Variants in GDF6 observed in about 807,000 individuals in gnomAD.
GDF6 encodes growth/differentiation factor 6.
GDF6 carries 3 observed loss-of-function variants against 32.4 expected under a neutral mutation model. The ratio of observed to expected loss-of-function variants is 0.09; its 90% CI spans 0.04 to 0.24. The LOEUF is 0.24. GDF6 is among the 10% of genes least tolerant of loss of function. GDF6 has a pLI of 1.00. For missense variants in GDF6, 589 were observed against 637.9 expected (o/e 0.92, Z 0.83); for synonymous variants, 296 against 295.3 (o/e 1.00, Z -0.03).
Position 96,144,431 on chromosome 8 carries a change from TCC to T in GDF6, c.*130_*131del. The T allele has an allele frequency of 9.2e-7, 1 of 1,092,696 alleles. No individual in the cohort carries two copies. The highest frequency in any genetic ancestry group is 1.3e-6 in the Non-Finnish European group (1 of 763,150). The allele number at this position is 1,092,696 out of a possible 1,614,324, so 67.7% of individuals were successfully genotyped here. On this transcript the variant is annotated 3_prime_UTR_variant, in exon 2 of 2. Coordinates refer to ENST00000287020, the MANE Select transcript of GDF6 (RefSeq NM_001001557.4). This position sits in a 1 kb window ranked among gnomAD's most constrained non-coding sequence, Gnocchi z 5.1. Reference sequence around the variant, plus strand: ...CCCTTCTCTCCCACCGGCTCTCACATCCAGGCTGTTCCCTCACCCTCAGCCTC... The same window carrying T: ...CCCTTCTCTCCCACCGGCTCTCACATAGGCTGTTCCCTCACCCTCAGCCTC...
At chr8:96,159,601 GC>G (rs1812724901) in intron 1 of GDF6, among the ~76,000 whole-genome samples, 1 of 152,230 alleles carries the variant, frequency 6.6e-6, no homozygotes, top group Non-Finnish European at 1.5e-5. Flanking sequence ...CCCTGTCCCG[GC>G]CCGCCCAACT....
Position 96,150,893 on chromosome 8 carries a change from A to G in GDF6, c.407-5369T>C, listed in dbSNP as rs140176583. On this transcript the variant is annotated intron_variant, in intron 1 of 1. Transcript: ENST00000287020. Reference sequence around the variant, plus strand: ...AAGACCTCCAAGCTCAAAATTCATGACTGGGCTTGGAGTCATTTTCTCAAC... The same window carrying G: ...AAGACCTCCAAGCTCAAAATTCATGGCTGGGCTTGGAGTCATTTTCTCAAC... 8.1e-4 allele frequency among the ~76,000 whole-genome samples: 124 copies of G among 152,320 alleles called. 2 individuals are homozygous for G. The East Asian group carries it at 0.02, about 24-fold the overall frequency.
At chr8:96,154,928 G>A (rs969524094) in intron 1 of GDF6, among the ~76,000 whole-genome samples, 2 of 152,150 alleles carry the variant, frequency 1.3e-5, no homozygotes, top group Admixed American at 1.3e-4. Context: ...TAGGGCCTCC[G>A]ATGCAGTGCC....
rs1257158959 is a variant in GDF6, at chr8:96,145,804, G to C, written c.407-280C>G. Among the ~76,000 whole-genome samples the C allele has an allele frequency of 6.6e-6, 1 of 152,156 alleles. No homozygotes were observed. The highest frequency in any genetic ancestry group is 1.9e-4 in the East Asian group (1 of 5,160). The stretch of plus-strand genomic sequence containing the variant: ...CGAGGCGGCGGCGGCGGCCTACCGG[G>C]TTTTCCCCCCAAAAGGCTTCGTAAC... On this transcript the variant is annotated intron_variant, in intron 1 of 1. Transcript: ENST00000287020. This position sits in a 1 kb window ranked among gnomAD's most constrained non-coding sequence, Gnocchi z 5.6.
chr8:96,145,035 G>C lies in GDF6; in HGVS notation c.896C>G (p.Ser299Trp). 6.9e-7 allele frequency: 1 copy of C among 1,455,428 alleles called. No individual in the cohort carries two copies. Among genetic ancestry groups the C allele is most frequent in the Non-Finnish European group, 9.0e-7 (1 of 1,107,888 alleles). The allele number at this position is 1,455,428 out of a possible 1,614,324, so 90.2% of individuals were successfully genotyped here. Residue 299 changes from serine to tryptophan, a missense_variant, in exon 2 of 2, where the codon TCG becomes TGG. Coordinates refer to ENST00000287020, the MANE Select transcript of GDF6 (RefSeq NM_001001557.4). This position sits in a 1 kb window ranked among gnomAD's most constrained non-coding sequence, Gnocchi z 5.6. Reference sequence around the variant, plus strand: ...CGCGCCCGGGCCCGCAGCCTCGGCCGAGCCCAGCTGCTCGCGCATCTCTGC... The same window carrying C: ...CGCGCCCGGGCCCGCAGCCTCGGCCCAGCCCAGCTGCTCGCGCATCTCTGC... The part of the protein sequence containing the change: ...LFAEMREQLG[S>W]AEAAGPGAGA...
chr8:96,155,054 G>A (rs1812636325), intron 1 of GDF6, among the ~76,000 whole-genome samples: 1 of 152,212 alleles, frequency 6.6e-6, no homozygotes, highest in African/African-American at 2.4e-5. Flanking sequence ...CGCCAGGCCT[G>A]TCGTGATCTG....
At chr8:96,157,705 C>A (rs1239519759) in intron 1 of GDF6, among the ~76,000 whole-genome samples, 1 of 152,166 alleles carries the variant, frequency 6.6e-6, no homozygotes, top group Non-Finnish European at 1.5e-5. Flanking sequence ...AAGTCCTTGC[C>A]AGGAGCCGGG....
At chr8:96,147,937 A>G (rs1395152530) in intron 1 of GDF6, among the ~76,000 whole-genome samples, 1 of 152,226 alleles carries the variant, frequency 6.6e-6, no homozygotes, top group Non-Finnish European at 1.5e-5. Flanking sequence ...GGTGTAAAGA[A>G]TTATGATTTA....
Position 96,160,507 on chromosome 8 carries a change from C to T in GDF6, c.186G>A (p.Arg62=), listed in dbSNP as rs781205930. ...GCCGCGGCTGTGGTTCCTGGCCCTCCCGGCCCGCGTCACTGTCGCGCGGCG... is the reference window on the plus strand; with the variant it reads ...GCCGCGGCTGTGGTTCCTGGCCCTCTCGGCCCGCGTCACTGTCGCGCGGCG... ...QRAPRDSDAG[R]EGQEPQPRPQ... is the part of the protein sequence containing the mutation. Residue 62 remains arginine, a synonymous_variant, in exon 1 of 2, where the codon CGG becomes CGA. Coordinates refer to ENST00000287020, the MANE Select transcript of GDF6 (RefSeq NM_001001557.4). The T allele has an allele frequency of 6.2e-7, 1 of 1,613,066 alleles. No individual in the cohort carries two copies. The highest frequency in any genetic ancestry group is 8.5e-7 in the Non-Finnish European group (1 of 1,179,524).
chr8:96,149,179 A>G (rs1812530390), intron 1 of GDF6, among the ~76,000 whole-genome samples: 1 of 152,190 alleles, frequency 6.6e-6, no homozygotes, highest in African/African-American at 2.4e-5. Flanking sequence ...CCCTTTGACT[A>G]AAAAAACATG....
chr8:96,152,774 G>T (rs1476214771), intron 1 of GDF6, among the ~76,000 whole-genome samples: 1 of 151,878 alleles, frequency 6.6e-6, no homozygotes, highest in African/African-American at 2.4e-5. Flanking sequence ...AGACCAGAGG[G>T]GTCCAAGGCA....
chr8:96,155,346 T>C (rs1812644031), intron 1 of GDF6, among the ~76,000 whole-genome samples: 1 of 152,284 alleles, frequency 6.6e-6, no homozygotes, highest in African/African-American at 2.4e-5. Context: ...AAGGCAGACC[T>C]TAAGGCCTTA....
In GDF6 at chr8:96,143,029, C is replaced by T. The variant is rs1354630385; in HGVS notation, c.*1534G>A. The T allele has an allele frequency of 6.6e-6, 1 of 152,350 alleles. No homozygotes were observed. Among genetic ancestry groups the T allele is most frequent in the South Asian group, 2.1e-4 (1 of 4,832 alleles). The allele number at this position is 152,350 out of a possible 1,614,324, so 9.4% of individuals were successfully genotyped here. ...TCATGGGCAATGTTTGAAAACAATACTGGTGCAGGCTGGGGGAAAGTTCAT... is the reference window on the plus strand; with the variant it reads ...TCATGGGCAATGTTTGAAAACAATATTGGTGCAGGCTGGGGGAAAGTTCAT... On this transcript the variant is annotated 3_prime_UTR_variant, in exon 2 of 2. Coordinates refer to ENST00000287020, the MANE Select transcript of GDF6 (RefSeq NM_001001557.4).
At chr8:96,156,391 TC>T (rs1178284422) in intron 1 of GDF6, among the ~76,000 whole-genome samples, 7 of 150,862 alleles carry the variant, frequency 4.6e-5, no homozygotes, top group South Asian at 2.1e-4. Context: ...TCTCTCTCTC[TC>T]TCTCTCTCTC....
chr8:96,160,622 T>A lies in GDF6; in HGVS notation c.71A>T (p.Gln24Leu). 2.5e-6 allele frequency: 4 copies of A among 1,613,714 alleles called. No individual in the cohort carries two copies. The South Asian group carries it at 4.4e-5, about 18-fold the overall frequency. ...ISFLWDLPGF[Q>L]QASISSSSSS... is the part of the protein sequence containing the mutation. ...CGAGGAGGATGAGATGGAAGCCTGC[T>A]GGAAACCGGGCAAATCCCACAGAAA... Residue 24 changes from glutamine (Q) to leucine (L), a missense_variant, in exon 1 of 2, where the codon CAG becomes CTG. Transcript: ENST00000287020.
intron 1 of GDF6, among the ~76,000 whole-genome samples, chr8:96,150,612 G>C (rs1230543732): frequency 2.6e-5 from 4 of 152,238 alleles, no homozygotes; most frequent in African/African-American, 9.6e-5. Context: ...GAGGTATCTT[G>C]CCCATTGTCT....
Position 96,143,305 on chromosome 8 carries a change from C to G in GDF6, c.*1258G>C. The G allele has an allele frequency of 6.6e-6, 1 of 152,666 alleles. No homozygotes were observed. The highest frequency in any genetic ancestry group is 1.9e-4 in the East Asian group (1 of 5,204). The allele number at this position is 152,666 out of a possible 1,614,324, so 9.5% of individuals were successfully genotyped here. A position where few individuals can be genotyped will look rare whatever the true frequency, so the allele number is the denominator to read the frequency against. ...GGGCTATTGCTGGCTGGTAATCTTT[C>G]AGGAATGTCAAAGAGAGGGGAGGGA... On this transcript the variant is annotated 3_prime_UTR_variant, in exon 2 of 2. Transcript: ENST00000287020.
chr8:96,145,228 C>T lies in GDF6; in HGVS notation c.703G>A (p.Ala235Thr), dbSNP rs1262253139. 6.6e-7 allele frequency: 1 copy of T among 1,512,978 alleles called. No individual in the cohort carries two copies. The highest frequency in any genetic ancestry group is 2.0e-5 in the Admixed American group (1 of 49,260). The allele number at this position is 1,512,978 out of a possible 1,614,324, so 93.7% of individuals were successfully genotyped here. A position where few individuals can be genotyped will look rare whatever the true frequency, so the allele number is the denominator to read the frequency against. The change falls in exon 2 of 2, where the codon GCC becomes ACC. Residue 235 changes from alanine (A) to threonine (T), a missense_variant. Transcript: ENST00000287020. The surrounding 1 kb of genome is among the most constrained non-coding windows in gnomAD (Gnocchi z 5.6). ...CCGGCGTCCAGCTCGCCCCATGCGG[C>T]CCGCAGCTCCAAGCACAGCTGCTTC... ...PWKQLCLELR[A>T]AWGELDAGEA...
chr8:96,154,977 C>T (rs1260824788), intron 1 of GDF6, among the ~76,000 whole-genome samples: 3 of 152,094 alleles, frequency 2.0e-5, no homozygotes, highest in East Asian at 3.9e-4. Context: ...GCATCCTCTC[C>T]GGTCGGAAAG....
Sources: allele counts gnomAD v4.1 joint callset (sites outside exome capture counted in the v4.1 genomes callset), GRCh38; gene constraint gnomAD v4.1.1; non-coding constraint Gnocchi (gnomAD v3.1); transcripts MANE v1.5; gene names NCBI Gene and HGNC (gene_info 2026-07-23, HGNC 2026-07-21).